Variants in CPPED1 observed in about 807,000 individuals in gnomAD.
CPPED1 encodes the protein serine/threonine-protein phosphatase CPPED1.
In CPPED1, 28 loss-of-function variants were observed where a neutral mutation model predicts 28.0. The observed-to-expected ratio is 1.00, with a 90% confidence interval of 0.74 to 1.37. The LOEUF is 1.37. Ranked by LOEUF, CPPED1 falls within the 40% of genes most tolerant of loss-of-function variation. The pLI is 0.00. For synonymous variants in CPPED1, 198 were observed against 180.2 expected, an observed-to-expected ratio of 1.10 and a Z score of -0.79; for missense variants, 504 against 416.5, an observed-to-expected ratio of 1.21 and a Z score of -1.83.
intron 2 of CPPED1, among the ~76,000 whole-genome samples, chr16:12,716,262 C>A (rs1178698487): frequency 6.6e-6 from 1 of 152,210 alleles, no homozygotes; most frequent in African/African-American, 2.4e-5. Context: ...AACGCTGGTG[C>A]TGCTATAAGG....
intron 2 of CPPED1, among the ~76,000 whole-genome samples, chr16:12,756,132 AAAAAC>A (rs1033695061): frequency 3.8e-4 from 58 of 151,730 alleles, no homozygotes; most frequent in African/African-American, 1.4e-3. Context: ...CTCCGTCAAA[AAAAAC>A]AAAAAAAAAT....
In CPPED1 at chr16:12,736,703, T is replaced by C. The variant is rs185100208; in HGVS notation, c.290-31654A>G. ...ATTATTTACAGAATGCTAGGCAATC[T>C]AAACACTAAGATTCTAGGCACTAAG... On this transcript the variant is annotated intron_variant, in intron 2 of 3. Coordinates refer to ENST00000381774, the MANE Select transcript of CPPED1 (RefSeq NM_018340.3). Among the ~76,000 whole-genome samples, 33 of 152,344 alleles carry C rather than the reference T, an allele frequency of 2.2e-4. 1 individual carries two copies. The highest frequency in any genetic ancestry group is 2.0e-3 in the Admixed American group (30 of 15,296).
At chr16:12,770,313 A>G (rs1320271065) in intron 2 of CPPED1, among the ~76,000 whole-genome samples, 2 of 152,208 alleles carry the variant, frequency 1.3e-5, no homozygotes, top group Non-Finnish European at 2.9e-5. Context: ...ACTGTACAAC[A>G]GCACGTCTGA....
At chr16:12,752,504 G>A (rs2141219498) in intron 2 of CPPED1, among the ~76,000 whole-genome samples, 1 of 151,894 alleles carries the variant, frequency 6.6e-6, no homozygotes, top group East Asian at 1.9e-4. Context: ...TGTCAGCTCT[G>A]AGTAGATCAA....
intron 2 of CPPED1, among the ~76,000 whole-genome samples, chr16:12,741,268 A>G (rs2080253646): frequency 6.6e-6 from 1 of 151,620 alleles, no homozygotes; most frequent in Non-Finnish European, 1.5e-5. Context: ...TTTAAAAATC[A>G]GCAGAAAAAA....
chr16:12,766,256 TAGAGAG>T (rs1555490100), intron 2 of CPPED1, among the ~76,000 whole-genome samples: 2 of 134,254 alleles, frequency 1.5e-5, no homozygotes, highest in Non-Finnish European at 3.0e-5. Context: ...TATATATATA[TAGAGAG>T]AGAGAGAGAG....
chr16:12,775,444 CTT>C (rs759163933), intron 2 of CPPED1, among the ~76,000 whole-genome samples: 5 of 152,094 alleles, frequency 3.3e-5, no homozygotes, highest in Non-Finnish European at 7.4e-5. Context: ...TTGAGTATCT[CTT>C]ATGCAAAATG....
At chr16:12,740,219 G>A (rs1360305447) in intron 2 of CPPED1, among the ~76,000 whole-genome samples, 1 of 152,098 alleles carries the variant, frequency 6.6e-6, no homozygotes, top group Non-Finnish European at 1.5e-5. Flanking sequence ...GGCTGAGGTG[G>A]GCGGGTACCT....
intron 2 of CPPED1, among the ~76,000 whole-genome samples, chr16:12,714,885 G>A (rs903515470): frequency 6.6e-6 from 1 of 152,122 alleles, no homozygotes; most frequent in African/African-American, 2.4e-5. Context: ...GGATCACAAA[G>A]ATTTCTGCCT....
chr16:12,718,941 T>A (rs2080122719), intron 2 of CPPED1, among the ~76,000 whole-genome samples: 1 of 150,850 alleles, frequency 6.6e-6, no homozygotes, highest in Non-Finnish European at 1.5e-5. Context: ...CCAGCCTGGG[T>A]GGCAGCGCAA....
intron 2 of CPPED1, among the ~76,000 whole-genome samples, chr16:12,723,374 T>C (rs2080152480): frequency 6.6e-6 from 1 of 152,200 alleles, no homozygotes; most frequent in Non-Finnish European, 1.5e-5. Flanking sequence ...CCTCATCATA[T>C]GACTGCAACT....
intron 2 of CPPED1, chr16:12,759,428 A>G (rs2080394980): frequency 6.6e-6 from 1 of 152,250 alleles, no homozygotes; most frequent in Non-Finnish European, 1.5e-5. Flanking sequence ...GAGTCTGAGT[A>G]CTAGGGCCTG....
chr16:12,660,484 C>T lies in CPPED1; in HGVS notation c.*4402G>A, dbSNP rs1251606440. 1 of 148,886 alleles carries T rather than the reference C, an allele frequency of 6.7e-6. No individual in the cohort carries two copies. Among genetic ancestry groups the T allele is most frequent in the Non-Finnish European group, 1.5e-5 (1 of 67,608 alleles). 9.2% of individuals were successfully genotyped at this position (148,886 alleles called of 1,614,324 possible). The stretch of plus-strand genomic sequence containing the variant: ...ATCATTATTCCAAGAAAAGAATCCT[C>T]CACTTTTACTATATGTGTGTGTGTG... On this transcript the variant is annotated 3_prime_UTR_variant, in exon 4 of 4. Coordinates refer to ENST00000381774, the MANE Select transcript of CPPED1 (RefSeq NM_018340.3).
At chr16:12,730,443 T>C (rs1206904389) in intron 2 of CPPED1, among the ~76,000 whole-genome samples, 1 of 152,192 alleles carries the variant, frequency 6.6e-6, no homozygotes, top group Non-Finnish European at 1.5e-5. Flanking sequence ...CTCCTTGGAA[T>C]ATACCCAGAG....
At chr16:12,747,789 G>A (rs1476664963) in intron 2 of CPPED1, among the ~76,000 whole-genome samples, 1 of 152,184 alleles carries the variant, frequency 6.6e-6, no homozygotes, top group Non-Finnish European at 1.5e-5. Context: ...ATATACATAT[G>A]TCAACATTTA....
At chr16:12,781,003 C>G (rs1424872283) in intron 2 of CPPED1, 182 bp downstream of exon 2, 4 of 601,118 alleles carry the variant, frequency 6.7e-6, no homozygotes, top group African/African-American at 1.9e-5. Context: ...TCTCGCCAAA[C>G]TCTAAATATA....
At chr16:12,777,756 T>G (rs912446336) in intron 2 of CPPED1, among the ~76,000 whole-genome samples, 1 of 152,130 alleles carries the variant, frequency 6.6e-6, no homozygotes, top group Non-Finnish European at 1.5e-5. Context: ...TCTCCAATAT[T>G]ACATCCATAG....
At chr16:12,674,767 C>T (rs998563335) in intron 3 of CPPED1, among the ~76,000 whole-genome samples, 11 of 152,214 alleles carry the variant, frequency 7.2e-5, no homozygotes, top group African/African-American at 2.7e-4. Context: ...GGTACTCAGA[C>T]ATCAGAGCCC....
intron 2 of CPPED1, among the ~76,000 whole-genome samples, chr16:12,735,708 G>C (rs2080223428): frequency 6.6e-6 from 1 of 152,192 alleles, no homozygotes; most frequent in Admixed American, 6.5e-5. Flanking sequence ...AAAGAGCTTA[G>C]AACAATGCCT....
Sources: gnomAD v4.1 joint callset for allele counts (sites outside exome capture counted in the v4.1 genomes callset) on GRCh38, gnomAD v4.1.1 for gene constraint, MANE v1.5 for transcripts, NCBI Gene and HGNC (gene_info 2026-07-23, HGNC 2026-07-21) for gene names.